The following ZNF385D variants were observed in gnomAD, a reference collection of about 807,000 sequenced individuals.
The protein encoded by ZNF385D is zinc finger protein 385D, also known as zinc finger protein 659.
ZNF385D carries 15 observed loss-of-function variants against 35.8 expected under a neutral mutation model. The observed-to-expected ratio is 0.42, with a 90% CI of 0.28 to 0.64. The LOEUF (loss-of-function observed/expected upper bound fraction) is 0.64. Among genes scored for constraint, ZNF385D ranks in the 30% least tolerant of loss-of-function variants. ZNF385D has a pLI of 0.23. For missense variants in ZNF385D, 474 were observed against 494.6 expected (o/e 0.96, Z 0.39); for synonymous variants, 212 against 186.8 (o/e 1.13, Z -1.10).
At chr3:21,804,417 C>A (rs1005486684) in intron 3 of ZNF385D, among the ~76,000 whole-genome samples, 1 of 152,122 alleles carries the variant, frequency 6.6e-6, no homozygotes, top group Non-Finnish European at 1.5e-5. Flanking sequence ...AAATTAATCA[C>A]GTGAAAAATT....
At chr3:22,234,159 T>C (rs1576539063) in intron 2 of ZNF385D, among the ~76,000 whole-genome samples, 1 of 152,156 alleles carries the variant, frequency 6.6e-6, no homozygotes, top group African/African-American at 2.4e-5. Flanking sequence ...ATTTATATTT[T>C]ACTTTCCATA....
chr3:21,580,799 A>G (rs67262135), intron 2 of ZNF385D, among the ~76,000 whole-genome samples: 41 of 95,836 alleles, frequency 4.3e-4, no homozygotes, highest in Non-Finnish European at 8.9e-4. Flanking sequence ...GTTTGTGTCT[A>G]TGTGTGTGTA....
rs562150866 is a variant in ZNF385D, at chr3:22,262,688, C to T, written c.107-93653G>A. Reference sequence around the variant, plus strand: ...TTGGTTCACTCAAGATTTCTGAGCCCCAGTTTTCTCATTTCAAAATAAAAG... The same window carrying T: ...TTGGTTCACTCAAGATTTCTGAGCCTCAGTTTTCTCATTTCAAAATAAAAG... On this transcript the variant is annotated intron_variant, in intron 2 of 5. Transcript: ENST00000494108. 5.9e-5 allele frequency among the ~76,000 whole-genome samples: 9 copies of T among 151,848 alleles called. No homozygotes were observed. In the East Asian group the frequency reaches 7.8e-4, roughly 13 times the overall value.
chr3:22,156,411 A>G (rs1477178971), intron 3 of ZNF385D, among the ~76,000 whole-genome samples: 2 of 152,132 alleles, frequency 1.3e-5, no homozygotes, highest in Non-Finnish European at 2.9e-5. Context: ...CAGATGGATT[A>G]CATGCTCTTC....
intron 3 of ZNF385D, among the ~76,000 whole-genome samples, chr3:22,105,653 T>G (rs1371700843): frequency 6.6e-6 from 1 of 152,012 alleles, no homozygotes; most frequent in Non-Finnish European, 1.5e-5. Flanking sequence ...AGATGACAGA[T>G]GTCCTGGCCC....
intron 3 of ZNF385D, among the ~76,000 whole-genome samples, chr3:21,984,575 A>G (rs1362158731): frequency 9.0e-6 from 1 of 111,550 alleles, no homozygotes; most frequent in Non-Finnish European, 1.8e-5. Flanking sequence ...GTAGCCTTGT[A>G]GTATAGTTTG....
chr3:22,109,413 G>T (rs1702392472), intron 3 of ZNF385D, among the ~76,000 whole-genome samples: 1 of 152,150 alleles, frequency 6.6e-6, no homozygotes, highest in Admixed American at 6.6e-5. Flanking sequence ...CACTACAGAA[G>T]CATGTATACA....
At chr3:22,058,721 A>G (rs1699541183) in intron 3 of ZNF385D, among the ~76,000 whole-genome samples, 1 of 152,216 alleles carries the variant, frequency 6.6e-6, no homozygotes, top group Non-Finnish European at 1.5e-5. Flanking sequence ...AACATTTTTT[A>G]TTGCAAATCT....
At chr3:22,328,989 A>G (rs1694806856) in intron 2 of ZNF385D, among the ~76,000 whole-genome samples, 2 of 145,182 alleles carry the variant, frequency 1.4e-5, no homozygotes, top group East Asian at 2.1e-4. Flanking sequence ...AGGCAGGAGA[A>G]TGGCGTGAAC....
chr3:21,699,490 T>TA (rs889484426), intron 1 of ZNF385D, among the ~76,000 whole-genome samples: 116 of 150,126 alleles, frequency 7.7e-4, no homozygotes, highest in African/African-American at 2.4e-3. Context: ...AGTATAATAA[T>TA]AAAAAAAAAT....
intron 2 of ZNF385D, among the ~76,000 whole-genome samples, chr3:21,614,455 A>G (rs2064780844): frequency 2.0e-5 from 3 of 152,356 alleles, no homozygotes; most frequent in South Asian, 2.1e-4. Context: ...TTGGAAGAAT[A>G]TAGTTCAGAC....
chr3:21,506,023 C>G (rs770343236), intron 4 of ZNF385D, among the ~76,000 whole-genome samples: 6 of 152,146 alleles, frequency 3.9e-5, no homozygotes, highest in Non-Finnish European at 1.5e-5. Flanking sequence ...ACCCTGCAGG[C>G]TGTAACTATA....
At chr3:22,268,291 T>C (rs1030662446) in intron 2 of ZNF385D, among the ~76,000 whole-genome samples, 2 of 152,026 alleles carry the variant, frequency 1.3e-5, no homozygotes, top group Non-Finnish European at 2.9e-5. Flanking sequence ...CACTAATATT[T>C]ACTAAAACTA....
intron 3 of ZNF385D, among the ~76,000 whole-genome samples, chr3:21,512,350 C>T (rs989233938): frequency 6.6e-6 from 1 of 152,068 alleles, no homozygotes; most frequent in African/African-American, 2.4e-5. Flanking sequence ...TAGAGGATTA[C>T]TCCTGTTAGA....
chr3:21,857,270 T>A (rs867606716), intron 3 of ZNF385D, among the ~76,000 whole-genome samples: 9 of 152,090 alleles, frequency 5.9e-5, no homozygotes, highest in Non-Finnish European at 1.5e-5. Flanking sequence ...TAGTTAATAT[T>A]GTGTGTCAAC....
intron 2 of ZNF385D, among the ~76,000 whole-genome samples, chr3:22,286,390 C>T (rs1702026027): frequency 6.6e-6 from 1 of 152,022 alleles, no homozygotes; most frequent in African/African-American, 2.4e-5. Context: ...TTCCTACTCT[C>T]TATTTCATTT....
intron 2 of ZNF385D, among the ~76,000 whole-genome samples, chr3:22,176,266 G>A (rs1205661827): frequency 6.6e-6 from 1 of 152,044 alleles, no homozygotes; most frequent in African/African-American, 2.4e-5. Context: ...AGATACTAAA[G>A]ATAAACCAGG....
At chr3:21,841,470 T>G (rs1695670184) in intron 3 of ZNF385D, among the ~76,000 whole-genome samples, 1 of 152,036 alleles carries the variant, frequency 6.6e-6, no homozygotes, top group African/African-American at 2.4e-5. Context: ...TTAATTTATC[T>G]TCCCACGGAG....
intron 3 of ZNF385D, among the ~76,000 whole-genome samples, chr3:21,876,123 G>C (rs575150412): frequency 1.6e-3 from 247 of 152,056 alleles, no homozygotes; most frequent in African/African-American, 5.8e-3. Context: ...TGTGATATCA[G>C]GAATGATATT....
Sources: allele counts gnomAD v4.1 joint callset (sites outside exome capture counted in the v4.1 genomes callset), GRCh38; gene constraint gnomAD v4.1.1; transcripts MANE v1.5; gene names NCBI Gene and HGNC (gene_info 2026-07-23, HGNC 2026-07-21).